The following SLC6A3 variants were observed in gnomAD, a reference collection of about 807,000 sequenced individuals.
The protein encoded by SLC6A3 is solute carrier family 6 member 3.
In SLC6A3, 19 loss-of-function variants were observed where a neutral mutation model predicts 70.4. That is an observed-to-expected ratio of 0.27 (90% CI 0.19 to 0.40). The LOEUF is 0.40. Among genes scored for constraint, SLC6A3 ranks in the 10% least tolerant of loss-of-function variants. SLC6A3 has a pLI of 1.00. For synonymous variants in SLC6A3, 368 were observed against 356.6 expected (o/e 1.03, Z -0.36); for missense variants, 613 against 838.5 (o/e 0.73, Z 3.32).
intron 3 of SLC6A3, among the ~76,000 whole-genome samples, chr5:1,433,768 GCCATCCACAACCATCCATCCATCCACAA>G (rs1756764277): frequency 6.6e-6 from 1 of 150,470 alleles, no homozygotes; most frequent in Admixed American, 6.6e-5. Flanking sequence ...TCCATCCACG[GCCATCCACAACCATCCATCCATCCACAA>G]CCATCCACAA....
rs1690346055 is a variant in SLC6A3 at position 1,416,281 on chromosome 5, C to T, written c.928-80G>A. 3.0e-6 allele frequency: 3 copies of T among 1,012,874 alleles called. No individual in the cohort carries two copies. The South Asian group carries it at 3.9e-5, about 13-fold the overall frequency. 62.7% of individuals were successfully genotyped at this position (1,012,874 alleles called of 1,614,324 possible). On this transcript the variant is annotated intron_variant, in intron 6 of 14. Transcript: ENST00000270349. ...AAAGGACCTGAGCACCCTTCCTGTC[C>T]CAGCCCCACACTGAGGCCTCTAAAC...
At chr5:1,426,228 C>T (rs55833054) in intron 4 of SLC6A3, among the ~76,000 whole-genome samples, 11 of 152,116 alleles carry the variant, frequency 7.2e-5, no homozygotes, top group Admixed American at 7.2e-4. Context: ...GGAAGCAACC[C>T]AAATGTCCAT....
At position 1,409,330 on chromosome 5, in the gene SLC6A3, G is replaced by A. The variant is rs780539988; in HGVS notation, c.1399-205C>T. ...AATGACCTCTCCTTTCCCTTCCTAG[G>A]GCTTCATGTGCAATTAGAAATGGAA... On this transcript the variant is annotated intron_variant, in intron 10 of 14. Coordinates refer to ENST00000270349, the MANE Select transcript of SLC6A3 (RefSeq NM_001044.5). Among the ~76,000 whole-genome samples the A allele has an allele frequency of 3.9e-4, 59 of 152,228 alleles. 1 individual carries two copies. The highest frequency in any genetic ancestry group is 5.9e-4 in the Admixed American group (9 of 15,304).
In SLC6A3 at chr5:1,437,974, A is replaced by G. The variant is rs886709077; in HGVS notation, c.418+3385T>C. Among the ~76,000 whole-genome samples the G allele has an allele frequency of 6.6e-6, 1 of 152,242 alleles. No individual in the cohort carries two copies. Among genetic ancestry groups the G allele is most frequent in the Non-Finnish European group, 1.5e-5 (1 of 68,044 alleles). On this transcript the variant is annotated intron_variant, in intron 3 of 14. Coordinates refer to ENST00000270349, the MANE Select transcript of SLC6A3 (RefSeq NM_001044.5). This position sits in a 1 kb window ranked among gnomAD's most constrained non-coding sequence, Gnocchi z 4.8. ...ACATGTATCAGGGTGCCGGGGGTGCATGGTGTACATCTGATTTCATAAGCA... is the reference window on the plus strand; with the variant it reads ...ACATGTATCAGGGTGCCGGGGGTGCGTGGTGTACATCTGATTTCATAAGCA...
In SLC6A3 at chr5:1,411,456, T is replaced by A; in HGVS notation, c.1157-101A>T. 1 of 855,342 alleles carries A rather than the reference T, an allele frequency of 1.2e-6. No individual in the cohort carries two copies. Among genetic ancestry groups the A allele is most frequent in the Non-Finnish European group, 1.9e-6 (1 of 517,586 alleles). 53.0% of individuals were successfully genotyped at this position (855,342 alleles called of 1,614,324 possible). On this transcript the variant is annotated intron_variant, in intron 8 of 14. Coordinates refer to ENST00000270349, the MANE Select transcript of SLC6A3 (RefSeq NM_001044.5). The surrounding 1 kb of genome is among the most constrained non-coding windows in gnomAD (Gnocchi z 6.5). ...AGAAGCATGGCCTGCCACAGGCCTG[T>A]AGAGACTAGGGCTGGTGCGGCTCTG...
intron 3 of SLC6A3, among the ~76,000 whole-genome samples, chr5:1,435,178 C>G (rs928124029): frequency 6.6e-6 from 1 of 152,170 alleles, no homozygotes; most frequent in Non-Finnish European, 1.5e-5. Flanking sequence ...TCTATATTAC[C>G]GTCTGTCCGG....
At position 1,406,416 on chromosome 5, in the gene SLC6A3, C is replaced by T; in HGVS notation, c.1499-128G>A. The T allele has an allele frequency of 2.4e-6, 2 of 816,726 alleles. No homozygotes were observed. Among genetic ancestry groups the T allele is most frequent in the East Asian group, 2.5e-5 (1 of 39,648 alleles). The allele number at this position is 816,726 out of a possible 1,614,324, so 50.6% of individuals were successfully genotyped here. A position where few individuals can be genotyped will look rare whatever the true frequency, so the allele number is the denominator to read the frequency against. On this transcript the variant is annotated intron_variant, in intron 11 of 14. Transcript: ENST00000270349. This position sits in a 1 kb window ranked among gnomAD's most constrained non-coding sequence, Gnocchi z 8.8. ...GGCCCCAGGCTTCGGCTGCACCCAGCCTCCTGCAGAGGAGGCCAGGCCACA... is the reference window on the plus strand; with the variant it reads ...GGCCCCAGGCTTCGGCTGCACCCAGTCTCCTGCAGAGGAGGCCAGGCCACA...
intron 3 of SLC6A3, among the ~76,000 whole-genome samples, chr5:1,440,047 A>G (rs959161921): frequency 6.6e-6 from 1 of 152,222 alleles, no homozygotes; most frequent in African/African-American, 2.4e-5. Context: ...ACTCAACACG[A>G]GGTGTGTCCA....
rs765132410 is a variant in SLC6A3 at position 1,441,344 on chromosome 5, G to T, written c.418+15C>A. 1 of 1,614,186 alleles carries T rather than the reference G, an allele frequency of 6.2e-7. No individual in the cohort carries two copies. The highest frequency in any genetic ancestry group is 1.1e-5 in the South Asian group (1 of 91,088). ...CCGCGCTGCGCCAGGGTGAAGGGAG[G>T]CACCCGCATATTACCTTTCAGTATG... is the stretch of plus-strand genomic sequence containing the variant. On this transcript the variant is annotated intron_variant, in intron 3 of 14. Coordinates refer to ENST00000270349, the MANE Select transcript of SLC6A3 (RefSeq NM_001044.5).
At chr5:1,407,106 A>T (rs1418828182) in intron 11 of SLC6A3, among the ~76,000 whole-genome samples, 2 of 152,222 alleles carry the variant, frequency 1.3e-5, no homozygotes, top group Non-Finnish European at 2.9e-5. Context: ...TTAGAAATGC[A>T]TATTTTTCTT....
intron 2 of SLC6A3, among the ~76,000 whole-genome samples, chr5:1,441,904 G>A (rs534844836): frequency 3.3e-5 from 5 of 152,280 alleles, no homozygotes; most frequent in Non-Finnish European, 7.3e-5. Flanking sequence ...CCCCTGAGCT[G>A]AGTGGGCCCT....
At chr5:1,441,313 C>T (rs375146776) in intron 3 of SLC6A3, 46 bp downstream of exon 3, 219 of 1,613,240 alleles carry the variant, frequency 1.4e-4, no homozygotes, top group Non-Finnish European at 1.8e-4. Flanking sequence ...GCGTCACCAC[C>T]ATGATCCGCG....
At chr5:1,417,271 T>C (rs1756325826) in intron 6 of SLC6A3, among the ~76,000 whole-genome samples, 1 of 151,064 alleles carries the variant, frequency 6.6e-6, no homozygotes, top group Non-Finnish European at 1.5e-5. Context: ...CATAAACTCA[T>C]CCTGAGGCTA....
intron 6 of SLC6A3, among the ~76,000 whole-genome samples, chr5:1,416,931 C>T (rs1756311426): frequency 6.6e-6 from 1 of 152,154 alleles, no homozygotes; most frequent in Non-Finnish European, 1.5e-5. Context: ...ATGGTGGCAC[C>T]CTGATAACCC....
intron 7 of SLC6A3, 53 bp downstream of exon 7, chr5:1,416,045 C>T (rs1029577269): frequency 6.4e-5 from 86 of 1,339,522 alleles, no homozygotes; most frequent in Admixed American, 2.4e-4. Context: ...TGGAAGTCAG[C>T]GACCTCTCCC....
At position 1,436,478 on chromosome 5, in the gene SLC6A3, C is replaced by T. The variant is rs1756839124; in HGVS notation, c.419-3780G>A. Among the ~76,000 whole-genome samples, 1 of 152,222 alleles carries T rather than the reference C, an allele frequency of 6.6e-6. No homozygotes were observed. The highest frequency in any genetic ancestry group is 1.5e-5 in the Non-Finnish European group (1 of 68,044). On this transcript the variant is annotated intron_variant, in intron 3 of 14. Transcript: ENST00000270349. This position sits in a 1 kb window ranked among gnomAD's most constrained non-coding sequence, Gnocchi z 5.2. ...TTCATGAGAACATGGCGCTTCCCTT[C>T]CCTCCTGTCTGACTCCCAGGAAGCT...
intron 7 of SLC6A3, 41 bp from the exon 8 acceptor site, chr5:1,414,856 TGCA>T (rs1308673087): frequency 2.5e-6 from 4 of 1,611,852 alleles, no homozygotes; most frequent in Middle Eastern, 1.7e-4. Flanking sequence ...CCAGCTGAGC[TGCA>T]GCAGCTGCAA....
Position 1,401,025 on chromosome 5 carries a change from G to C in SLC6A3, c.1768-39C>G, listed in dbSNP as rs28363148. ...AGAGTGCAGGGGTCAGTGCAGACCA[G>C]TACCCACTGCCAGCACCCACCACTG... On this transcript the variant is annotated intron_variant, in intron 13 of 14. Coordinates refer to ENST00000270349, the MANE Select transcript of SLC6A3 (RefSeq NM_001044.5). This position sits in a 1 kb window ranked among gnomAD's most constrained non-coding sequence, Gnocchi z 6.1. 1.8e-5 allele frequency: 26 copies of C among 1,475,524 alleles called. No homozygotes were observed. The South Asian group carries it at 3.1e-4, about 18-fold the overall frequency. 91.4% of individuals were successfully genotyped at this position (1,475,524 alleles called of 1,614,324 possible).
At chr5:1,422,124 G>T in intron 4 of SLC6A3, 110 bp from the exon 5 acceptor site, 2 of 1,212,296 alleles carry the variant, frequency 1.6e-6, no homozygotes, top group East Asian at 2.4e-5. Flanking sequence ...AGGGCAGAAA[G>T]CATCCAGTCT....
Sources: allele counts gnomAD v4.1 joint callset (sites outside exome capture counted in the v4.1 genomes callset), GRCh38; gene constraint gnomAD v4.1.1; non-coding constraint Gnocchi (gnomAD v3.1); transcripts MANE v1.5; gene names NCBI Gene and HGNC (gene_info 2026-07-23, HGNC 2026-07-21).